The following IQSEC3 variants were observed in gnomAD, a reference collection of about 807,000 sequenced individuals.
The protein encoded by IQSEC3 is IQ motif and Sec7 domain ArfGEF 3.
In IQSEC3, 50 loss-of-function variants were observed where a neutral mutation model predicts 105.4. The observed-to-expected ratio is 0.47, with a 90% CI of 0.38 to 0.60. The LOEUF (loss-of-function observed/expected upper bound fraction) is 0.60. Ranked by LOEUF, IQSEC3 falls within the 20% of genes least tolerant of loss-of-function variation. IQSEC3 has a pLI of 0.00. For missense variants in IQSEC3, 1,415 were observed against 1,630.0 expected (o/e 0.87, Z 2.27); for synonymous variants, 708 against 746.0 (o/e 0.95, Z 0.83).
In IQSEC3 at chr12:157,146, A is replaced by G; in HGVS notation, c.2275A>G (p.Ser759Gly). ...GGTGGAGCGGCTCATTGAGGCCTTC[A>G]GGTAAGGCCGCTTCCCAGCTCCACT... ...QKVERLIEAF[S>G]QRYCMCNPEV... Residue 759 changes from serine to glycine, a missense_variant and splice_region_variant, in exon 6 of 14, where the codon AGC (serine) becomes GGC (glycine). Transcript: ENST00000538872. 6.4e-7 allele frequency: 1 copy of G among 1,571,320 alleles called. No individual in the cohort carries two copies. Among genetic ancestry groups the G allele is most frequent in the Non-Finnish European group, 8.6e-7 (1 of 1,158,480 alleles).
intron 2 of IQSEC3, among the ~76,000 whole-genome samples, chr12:102,748 G>A (rs1864469224): frequency 6.6e-6 from 1 of 152,338 alleles, no homozygotes; most frequent in African/African-American, 2.4e-5. Context: ...CCCAGGAGTG[G>A]GAACACCTGA....
chr12:168,043 C>A (rs905608773), intron 11 of IQSEC3, among the ~76,000 whole-genome samples: 1 of 152,118 alleles, frequency 6.6e-6, no homozygotes, highest in African/African-American at 2.4e-5. Context: ...GGTTTGGGGG[C>A]CTACGGTTCA....
chr12:78,979 C>T (rs557096899), intron 1 of IQSEC3, among the ~76,000 whole-genome samples: 2 of 152,344 alleles, frequency 1.3e-5, no homozygotes, highest in Non-Finnish European at 2.9e-5. Context: ...TTTGACTTCA[C>T]ACCCTTTCAA....
intron 13 of IQSEC3, among the ~76,000 whole-genome samples, 170 bp from the exon 14 acceptor site, chr12:174,429 G>A (rs1939163149): frequency 6.6e-6 from 1 of 152,118 alleles, no homozygotes; most frequent in South Asian, 2.1e-4. Flanking sequence ...TCCCCCCTGG[G>A]CAAAAGCCAG....
intron 3 of IQSEC3, 58 bp downstream of exon 3, chr12:125,970 C>A: frequency 6.7e-7 from 1 of 1,484,330 alleles, no homozygotes; most frequent in Non-Finnish European, 9.0e-7. Flanking sequence ...GCTTTGGGGG[C>A]TGTCGAGGGT....
At chr12:97,378 T>C (rs1864272389) in intron 1 of IQSEC3, among the ~76,000 whole-genome samples, 2 of 152,270 alleles carry the variant, frequency 1.3e-5, no homozygotes, top group Non-Finnish European at 2.9e-5. Context: ...TGTTTATCTT[T>C]TTTTAATGGC....
At chr12:87,398 T>C (rs895729502) in intron 1 of IQSEC3, among the ~76,000 whole-genome samples, 1 of 152,018 alleles carries the variant, frequency 6.6e-6, no homozygotes, top group East Asian at 1.9e-4. Context: ...GTGTTTCAAA[T>C]AGGGAGATTT....
In IQSEC3 at chr12:138,895, T is replaced by C. The variant is rs532113146; in HGVS notation, c.1532T>C (p.Leu511Pro). Reference sequence around the variant, plus strand: ...ACGGCTCTGTCGGTGGCCAACTGCCTGGGCGCTCAGACGGTCCAGGCCCCC... The same window carrying C: ...ACGGCTCTGTCGGTGGCCAACTGCCCGGGCGCTCAGACGGTCCAGGCCCCC... ...SSTALSVANC[L>P]GAQTVQAPAE... The change falls in exon 4 of 14, where the codon CTG becomes CCG. Residue 511 changes from leucine (L) to proline (P), a missense_variant. Physicochemically the swap from Leu to Pro is moderately conservative, Grantham distance 98. Transcript: ENST00000538872. The surrounding 1 kb of genome is among the most constrained non-coding windows in gnomAD (Gnocchi z 7.1). 1.9e-6 allele frequency: 3 copies of C among 1,609,568 alleles called. No individual in the cohort carries two copies. The African/African-American group carries it at 4.0e-5, about 22-fold the overall frequency.
intron 2 of IQSEC3, among the ~76,000 whole-genome samples, chr12:113,974 A>G (rs559661559): frequency 6.6e-6 from 1 of 152,378 alleles, no homozygotes; most frequent in East Asian, 1.9e-4. Context: ...ATCTAGGTTC[A>G]GGTCCTGGCT....
rs1331249086 is a variant in IQSEC3, at chr12:139,051, C to T, written c.1688C>T (p.Ala563Val). 3.4e-6 allele frequency: 5 copies of T among 1,483,144 alleles called. No homozygotes were observed. The highest frequency in any genetic ancestry group is 4.9e-5 in the East Asian group (2 of 40,676). 91.9% of individuals were successfully genotyped at this position (1,483,144 alleles called of 1,614,324 possible). ...GCAGAGGCTGCGGCTAGTGGGGCGGCGGATGGGGCCACAGCCCCCAAAACA... is the reference window on the plus strand; with the variant it reads ...GCAGAGGCTGCGGCTAGTGGGGCGGTGGATGGGGCCACAGCCCCCAAAACA... ...SCAEAAASGA[A>V]DGATAPKTEE... Residue 563 changes from alanine to valine, a missense_variant, in exon 4 of 14, where the codon GCG (alanine) becomes GTG (valine). By Grantham distance (64) the Ala-to-Val change is moderately conservative. This residue lies in a region of IQSEC3 where 720 missense variants were observed against 633.0 expected (regional missense o/e 1.14). Transcript: ENST00000538872.
At chr12:103,805 G>A (rs1414385768) in intron 2 of IQSEC3, among the ~76,000 whole-genome samples, 1 of 34,858 alleles carries the variant, frequency 2.9e-5, no homozygotes. Flanking sequence ...CAGGAGACGT[G>A]GGACTCAGGT....
intron 5 of IQSEC3, among the ~76,000 whole-genome samples, chr12:151,920 T>A (rs10431345): frequency 0.11 from 17,172 of 151,630 alleles, 1,270 homozygotes; most frequent in South Asian, 0.24. Context: ...CCCCAAAGAG[T>A]CCTTTCCAGA....
chr12:172,049 C>T (rs769794553), intron 13 of IQSEC3, among the ~76,000 whole-genome samples: 6 of 152,136 alleles, frequency 3.9e-5, no homozygotes, highest in South Asian at 4.1e-4. Context: ...CTTTTCTGCC[C>T]GGCCTCCCGG....
intron 2 of IQSEC3, among the ~76,000 whole-genome samples, chr12:124,568 G>T (rs1320923367): frequency 6.6e-6 from 1 of 152,182 alleles, no homozygotes; most frequent in African/African-American, 2.4e-5. Flanking sequence ...AAAGCCAGTT[G>T]CCCAAAGCCA....
intron 1 of IQSEC3, among the ~76,000 whole-genome samples, chr12:79,567 A>C (rs1591631620): frequency 1.3e-5 from 2 of 152,092 alleles, no homozygotes; most frequent in East Asian, 3.9e-4. Context: ...GGTAGCTAGG[A>C]CTACAGGCAT....
chr12:157,492 G>GGGGGCCCCC, intron 6 of IQSEC3, 36 bp from the exon 7 acceptor site: 1 of 1,389,450 alleles, frequency 7.2e-7, no homozygotes. Context: ...GGTGGGCGGG[G>GGGGGCCCCC]GCTCAGCGTC....
chr12:175,296 TC>T lies in IQSEC3; in HGVS notation c.*267del. The stretch of plus-strand genomic sequence containing the variant: ...AGCCAGACCCGGCGAGGCCTCCTCT[TC>T]CCCTGGCCACCACTTTCCCCCATTG... On this transcript the variant is annotated 3_prime_UTR_variant, in exon 14 of 14. Transcript: ENST00000538872. The T allele has an allele frequency of 2.3e-6, 1 of 432,482 alleles. No homozygotes were observed. Among genetic ancestry groups the T allele is most frequent in the Non-Finnish European group, 4.1e-6 (1 of 245,500 alleles). The allele number at this position is 432,482 out of a possible 1,614,324, so 26.8% of individuals were successfully genotyped here.
intron 7 of IQSEC3, among the ~76,000 whole-genome samples, chr12:158,454 G>A (rs531917643): frequency 1.3e-5 from 2 of 152,132 alleles, no homozygotes; most frequent in South Asian, 2.1e-4. Flanking sequence ...GAATGTGTAC[G>A]GTCACGTGCA....
rs1555087677 is a variant in IQSEC3 at position 138,780 on chromosome 12, C to A, written c.1417C>A (p.Leu473Met). The change falls in exon 4 of 14, where the codon CTG becomes ATG. Residue 473 changes from leucine to methionine, a missense_variant. Transcript: ENST00000538872. This position sits in a 1 kb window ranked among gnomAD's most constrained non-coding sequence, Gnocchi z 7.1. ...GGATGACGCCGCGGAGACCCCCGGC[C>A]TGCCCCCGGCCCACAGCGGGACCCT... ...PGDDAAETPG[L>M]PPAHSGTLMM... 6.3e-7 allele frequency: 1 copy of A among 1,598,384 alleles called. No individual in the cohort carries two copies. The highest frequency in any genetic ancestry group is 8.5e-7 in the Non-Finnish European group (1 of 1,175,626).
Sources: allele counts gnomAD v4.1 joint callset (sites outside exome capture counted in the v4.1 genomes callset), GRCh38; gene constraint gnomAD v4.1.1; regional missense constraint gnomAD v4.1.1; non-coding constraint Gnocchi (gnomAD v3.1); transcripts MANE v1.5; gene names NCBI Gene and HGNC (gene_info 2026-07-23, HGNC 2026-07-21).